Variants in CDH10 observed in about 807,000 individuals in gnomAD.
The protein encoded by CDH10 is cadherin-10.
A neutral mutation model predicts 73.1 loss-of-function variants in CDH10; 30 were observed. The ratio of observed to expected loss-of-function variants is 0.41; its 90% CI spans 0.31 to 0.56. CDH10 has a LOEUF of 0.56. CDH10 is among the 20% of genes least tolerant of loss of function. CDH10 has a pLI of 0.27. For synonymous variants in CDH10, 345 were observed against 348.2 expected (o/e 0.99, Z 0.10); for missense variants, 815 against 973.7 (o/e 0.84, Z 2.17).
intron 7 of CDH10, among the ~76,000 whole-genome samples, chr5:24,509,132 A>G (rs1233432233): frequency 6.8e-6 from 1 of 147,802 alleles, no homozygotes; most frequent in Non-Finnish European, 1.5e-5. Flanking sequence ...TGACTCTTGT[A>G]TCTTCCATCG....
chr5:24,529,596 A>G (rs1436931424), intron 5 of CDH10, among the ~76,000 whole-genome samples: 2 of 152,018 alleles, frequency 1.3e-5, no homozygotes, highest in East Asian at 3.9e-4. Flanking sequence ...TTTTGCGTGC[A>G]TTTAGGATTG....
intron 2 of CDH10, among the ~76,000 whole-genome samples, chr5:24,540,819 G>A (rs1744125767): frequency 1.3e-5 from 2 of 151,892 alleles, no homozygotes; most frequent in Non-Finnish European, 2.9e-5. Flanking sequence ...TTGAGGGCAT[G>A]ACATTAGCCT....
chr5:24,512,067 T>C (rs1353882223), intron 5 of CDH10, among the ~76,000 whole-genome samples: 1 of 152,112 alleles, frequency 6.6e-6, no homozygotes, highest in African/African-American at 2.4e-5. Context: ...ATGAAATATA[T>C]ATCTGTACAA....
intron 2 of CDH10, among the ~76,000 whole-genome samples, chr5:24,566,405 G>T (rs183371591): frequency 6.6e-6 from 1 of 152,220 alleles, no homozygotes; most frequent in Admixed American, 6.5e-5. Flanking sequence ...AAATGCAAAA[G>T]ATATAGAATT....
chr5:24,522,168 AAC>A (rs538092707), intron 5 of CDH10, among the ~76,000 whole-genome samples: 1,544 of 42,136 alleles, frequency 0.037, 28 homozygotes, highest in African/African-American at 0.11. Flanking sequence ...CAAACAAACA[AAC>A]AAAAAAAACT....
chr5:24,640,746 CT>C (rs944176860), intron 1 of CDH10, among the ~76,000 whole-genome samples: 12 of 151,874 alleles, frequency 7.9e-5, no homozygotes, highest in African/African-American at 2.9e-4. Context: ...TGTATTCCTT[CT>C]TATTTAATTT....
At chr5:24,580,142 C>G (rs1428221286) in intron 2 of CDH10, among the ~76,000 whole-genome samples, 1 of 151,978 alleles carries the variant, frequency 6.6e-6, no homozygotes, top group African/African-American at 2.4e-5. Context: ...AGTGAAAATT[C>G]TATTTTTTTA....
chr5:24,596,711 C>T (rs1746383478), intron 1 of CDH10, among the ~76,000 whole-genome samples: 1 of 151,916 alleles, frequency 6.6e-6, no homozygotes, highest in African/African-American at 2.4e-5. Flanking sequence ...TATAAACTAT[C>T]TCCCCACTAA....
intron 2 of CDH10, among the ~76,000 whole-genome samples, chr5:24,574,751 G>A (rs968861988): frequency 6.6e-6 from 1 of 150,862 alleles, no homozygotes; most frequent in Non-Finnish European, 1.5e-5. Flanking sequence ...ATTAACTTCC[G>A]AACTAACATA....
intron 2 of CDH10, among the ~76,000 whole-genome samples, chr5:24,538,031 T>G (rs1207028097): frequency 6.6e-6 from 1 of 152,058 alleles, no homozygotes; most frequent in Non-Finnish European, 1.5e-5. Context: ...TCTCTTTCTG[T>G]GAATGAAAGA....
At chr5:24,543,999 C>T (rs2111921971) in intron 2 of CDH10, among the ~76,000 whole-genome samples, 1 of 152,146 alleles carries the variant, frequency 6.6e-6, no homozygotes. Flanking sequence ...AACAATTCTT[C>T]CTTCAAAAGT....
intron 9 of CDH10, among the ~76,000 whole-genome samples, chr5:24,495,576 C>T (rs993272263): frequency 6.6e-6 from 1 of 152,000 alleles, no homozygotes; most frequent in Non-Finnish European, 1.5e-5. Flanking sequence ...TGGCCAGGCG[C>T]CGTGGCTCAC....
chr5:24,520,525 T>C (rs1417486770), intron 5 of CDH10, among the ~76,000 whole-genome samples: 1 of 152,178 alleles, frequency 6.6e-6, no homozygotes, highest in African/African-American at 2.4e-5. Context: ...TCTATATTTA[T>C]CAGTCTCAAT....
chr5:24,631,460 A>C (rs920712621), intron 1 of CDH10, among the ~76,000 whole-genome samples: 1 of 152,054 alleles, frequency 6.6e-6, no homozygotes, highest in Admixed American at 6.6e-5. Flanking sequence ...TTCAGGAAGA[A>C]TTGGAGAGGG....
intron 1 of CDH10, among the ~76,000 whole-genome samples, chr5:24,636,968 T>C (rs1747887755): frequency 6.6e-6 from 1 of 151,978 alleles, no homozygotes; most frequent in Admixed American, 6.6e-5. Context: ...AAATGTTATC[T>C]TGAACCAAAC....
intron 1 of CDH10, among the ~76,000 whole-genome samples, chr5:24,630,328 G>C (rs369822415): frequency 8.5e-5 from 13 of 152,082 alleles, no homozygotes; most frequent in African/African-American, 3.1e-4. Flanking sequence ...GAGGCCGGCA[G>C]ATCACTTGAC....
intron 1 of CDH10, among the ~76,000 whole-genome samples, chr5:24,601,615 G>C (rs376097674): frequency 5.9e-5 from 9 of 152,184 alleles, no homozygotes; most frequent in African/African-American, 2.2e-4. Context: ...TTAAAAATGT[G>C]TGGGATATCT....
At chr5:24,573,842 CATATT>C (rs1745491743) in intron 2 of CDH10, among the ~76,000 whole-genome samples, 1 of 147,510 alleles carries the variant, frequency 6.8e-6, no homozygotes, top group African/African-American at 2.5e-5. Context: ...TAACCATTTT[CATATT>C]ATATATATTT....
intron 1 of CDH10, among the ~76,000 whole-genome samples, chr5:24,607,358 A>G (rs538644735): frequency 3.3e-5 from 5 of 152,308 alleles, no homozygotes; most frequent in African/African-American, 1.2e-4. Flanking sequence ...ATGATGGAAC[A>G]GAACAAAAAT....
Sources: allele counts gnomAD v4.1 joint callset (sites outside exome capture counted in the v4.1 genomes callset), GRCh38; gene constraint gnomAD v4.1.1; transcripts MANE v1.5; gene names NCBI Gene and HGNC (gene_info 2026-07-23, HGNC 2026-07-21).